Variants in PTK2 observed in about 807,000 individuals in gnomAD.
PTK2 encodes protein tyrosine kinase 2, also known as focal adhesion kinase 1.
PTK2 carries 45 observed loss-of-function variants against 150.1 expected under a neutral mutation model. The observed-to-expected ratio is 0.30, with a 90% confidence interval of 0.24 to 0.38. PTK2 has a LOEUF of 0.38. PTK2 is among the 10% of genes least tolerant of loss of function. The pLI is 1.00. For missense variants in PTK2, 919 were observed against 1,307.3 expected, an observed-to-expected ratio of 0.70 and a Z score of 4.58; for synonymous variants, 432 against 449.2, an observed-to-expected ratio of 0.96 and a Z score of 0.48.
intron 10 of PTK2, among the ~76,000 whole-genome samples, chr8:140,813,431 A>T (rs549096774): frequency 6.6e-6 from 1 of 151,542 alleles, no homozygotes; most frequent in African/African-American, 2.4e-5. Flanking sequence ...AAGAACTGAA[A>T]TCATAATAAA....
At chr8:140,714,248 C>T (rs2100038324) in intron 23 of PTK2, among the ~76,000 whole-genome samples, 1 of 152,108 alleles carries the variant, frequency 6.6e-6, no homozygotes, top group South Asian at 2.1e-4. Context: ...ACCTATAAAA[C>T]TTACAAAACT....
intron 8 of PTK2, chr8:140,820,945 T>A (rs952499941): frequency 6.6e-6 from 1 of 152,276 alleles, no homozygotes. Context: ...TAGGAGGGCA[T>A]GGCATACTTT....
At chr8:140,744,062 C>CGCGGTGGCT (rs58628473) in intron 19 of PTK2, among the ~76,000 whole-genome samples, 4 of 149,926 alleles carry the variant, frequency 2.7e-5, no homozygotes, top group African/African-American at 4.9e-5. Flanking sequence ...CAGCTATGAG[C>CGCGGTGGCT]CACCGCGCCC....
At chr8:140,952,033 T>C (rs535182351) in intron 1 of PTK2, among the ~76,000 whole-genome samples, 1 of 152,240 alleles carries the variant, frequency 6.6e-6, no homozygotes, top group Non-Finnish European at 1.5e-5. Flanking sequence ...GTAAGTTTTG[T>C]ATTTCTGCTA....
At chr8:140,886,603 G>A (rs2100152398) in intron 3 of PTK2, among the ~76,000 whole-genome samples, 1 of 152,080 alleles carries the variant, frequency 6.6e-6, no homozygotes, top group South Asian at 2.1e-4. Flanking sequence ...TTTTCTTATG[G>A]GCTCAACTTT....
intron 1 of PTK2, chr8:140,984,095 C>T: frequency 6.3e-6 from 1 of 157,926 alleles, no homozygotes; most frequent in Non-Finnish European, 1.4e-5. Flanking sequence ...GCAGAGGTTG[C>T]AGTCAGCCGA....
chr8:140,693,356 C>T (rs1418381980), intron 26 of PTK2, among the ~76,000 whole-genome samples: 1 of 151,662 alleles, frequency 6.6e-6, no homozygotes, highest in Non-Finnish European at 1.5e-5. Flanking sequence ...GAGTTTGAGA[C>T]CAGCATGGAC....
At chr8:140,858,548 A>G (rs1336040410) in intron 5 of PTK2, among the ~76,000 whole-genome samples, 1 of 152,156 alleles carries the variant, frequency 6.6e-6, no homozygotes, top group Non-Finnish European at 1.5e-5. Flanking sequence ...CAGGTCACCT[A>G]CACAGAAAGA....
chr8:140,780,272 T>C (rs1273193609), intron 14 of PTK2, among the ~76,000 whole-genome samples: 2 of 152,088 alleles, frequency 1.3e-5, no homozygotes, highest in African/African-American at 4.8e-5. Flanking sequence ...CTAAAACTAT[T>C]AGGTGAAATG....
At chr8:140,895,848 CTACT>C (rs1457888468) in intron 2 of PTK2, among the ~76,000 whole-genome samples, 1 of 151,812 alleles carries the variant, frequency 6.6e-6, no homozygotes, top group African/African-American at 2.4e-5. Context: ...ATATATATAC[CTACT>C]ATGTACCAAT....
Position 140,669,683 on chromosome 8 carries a change from G to A in PTK2, c.2710-1259C>T, listed in dbSNP as rs966546542. The A allele has an allele frequency of 3.3e-5, 51 of 1,525,660 alleles. No individual in the cohort carries two copies. The Admixed American group carries it at 8.7e-4, about 26-fold the overall frequency. 94.5% of individuals were successfully genotyped at this position (1,525,660 alleles called of 1,614,324 possible). A position where few individuals can be genotyped will look rare whatever the true frequency, so the allele number is the denominator to read the frequency against. On this transcript the variant is annotated intron_variant, in intron 29 of 31. Coordinates refer to ENST00000522684, the Ensembl canonical transcript of PTK2. ...AAGTTACATGCAGAGAGCCGGGTGT[G>A]ATAGAGAGAGCTGGACAGACACACA...
intron 4 of PTK2, among the ~76,000 whole-genome samples, chr8:140,875,584 T>G (rs2100145024): frequency 6.6e-6 from 1 of 152,156 alleles, no homozygotes; most frequent in Non-Finnish European, 1.5e-5. Flanking sequence ...CCCAAATGAT[T>G]TATAAATATA....
intron 1 of PTK2, among the ~76,000 whole-genome samples, chr8:140,927,694 G>A (rs1186572989): frequency 3.3e-5 from 5 of 151,974 alleles, no homozygotes; most frequent in African/African-American, 4.8e-5. Context: ...GGTGGCTCAT[G>A]CCTGTAATCC....
chr8:140,800,906 G>A (rs2100094661), intron 11 of PTK2, among the ~76,000 whole-genome samples: 1 of 152,182 alleles, frequency 6.6e-6, no homozygotes, highest in African/African-American at 2.4e-5. Context: ...TAGACAATCA[G>A]TAAGTTAAAG....
At chr8:140,767,229 C>T (rs527686921) in intron 14 of PTK2, among the ~76,000 whole-genome samples, 28 of 150,594 alleles carry the variant, frequency 1.9e-4, no homozygotes, top group Non-Finnish European at 3.5e-4. Context: ...TTAATTCATA[C>T]AATCACAAGA....
intron 3 of PTK2, among the ~76,000 whole-genome samples, chr8:140,881,896 A>T (rs1373399819): frequency 1.3e-5 from 2 of 152,186 alleles, no homozygotes. Flanking sequence ...AGAGAATCTT[A>T]TTCCATTCAC....
chr8:140,678,870 C>T (rs560968142), intron 27 of PTK2, among the ~76,000 whole-genome samples: 73 of 151,632 alleles, frequency 4.8e-4, no homozygotes, highest in African/African-American at 1.7e-3. Context: ...CAGACAATGT[C>T]TACTGGCTGT....
At chr8:140,789,986 C>T (rs1278229448) in intron 13 of PTK2, among the ~76,000 whole-genome samples, 1 of 152,060 alleles carries the variant, frequency 6.6e-6, no homozygotes, top group Non-Finnish European at 1.5e-5. Flanking sequence ...TCAAGCAATA[C>T]ATTAATATGT....
chr8:140,796,541 C>T (rs2100091708), intron 12 of PTK2, among the ~76,000 whole-genome samples: 1 of 152,088 alleles, frequency 6.6e-6, no homozygotes, highest in Non-Finnish European at 1.5e-5. Context: ...AAAAAGGAAT[C>T]CATTATTATA....
Sources: gnomAD v4.1 joint callset for allele counts (sites outside exome capture counted in the v4.1 genomes callset) on GRCh38, gnomAD v4.1.1 for gene constraint, MANE v1.5 for transcripts, NCBI Gene and HGNC (gene_info 2026-07-23, HGNC 2026-07-21) for gene names.